OSBPL1A: variants seen among roughly 807,000 people sequenced by gnomAD.
OSBPL1A encodes oxysterol binding protein like 1A, also known as oxysterol-binding protein-related protein 1.
Under a neutral mutation model 137.1 loss-of-function variants are expected in OSBPL1A, and 80 were observed. The ratio of observed to expected loss-of-function variants is 0.58; its 90% confidence interval spans 0.49 to 0.70. The LOEUF (loss-of-function observed/expected upper bound fraction) is 0.70, where lower values mean the gene tolerates loss of function less well. Ranked by LOEUF, OSBPL1A falls within the 30% of genes least tolerant of loss-of-function variation. The probability of loss-of-function intolerance (pLI) is 0.00; values close to 1 mark genes in which losing one functional copy is unlikely to be tolerated. For missense variants in OSBPL1A, 970 were observed against 1,129.4 expected (o/e 0.86, Z 2.02); for synonymous variants, 365 against 389.7 (o/e 0.94, Z 0.75).
chr18:24,294,120 A>G (rs938420980), intron 14 of OSBPL1A, among the ~76,000 whole-genome samples: 14 of 151,926 alleles, frequency 9.2e-5, no homozygotes, highest in Non-Finnish European at 2.1e-4. Flanking sequence ...TTGGGGGAAT[A>G]GGTGGTGTTT....
Position 24,336,371 on chromosome 18 carries a change from T to G in OSBPL1A, c.395-2041A>C, listed in dbSNP as rs146302384. ...GGAGTTGAAAATACTATATATGTTC[T>G]TAGATTATGTTCCTGTCCTGTATTC... is the stretch of plus-strand genomic sequence containing the variant. On this transcript the variant is annotated intron_variant, in intron 5 of 27. Transcript: ENST00000319481. 7.1e-3 allele frequency among the ~76,000 whole-genome samples: 1,087 copies of G among 152,330 alleles called. 12 individuals carry two copies. The highest frequency in any genetic ancestry group is 0.025 in the African/African-American group (1,019 of 41,574).
chr18:24,196,455 C>T (rs2087035165), intron 17 of OSBPL1A, among the ~76,000 whole-genome samples: 1 of 152,192 alleles, frequency 6.6e-6, no homozygotes, highest in Non-Finnish European at 1.5e-5. Flanking sequence ...TCAGTCCTCC[C>T]AGTCCTTGGG....
chr18:24,314,478 T>C (rs2090681493), intron 11 of OSBPL1A, 131 bp from the exon 12 acceptor site: 2 of 540,654 alleles, frequency 3.7e-6, no homozygotes, highest in South Asian at 6.3e-5. Flanking sequence ...TATTGACAGA[T>C]AAAAATTGGA....
chr18:24,268,402 G>A (rs530739632), intron 15 of OSBPL1A, among the ~76,000 whole-genome samples: 13 of 152,194 alleles, frequency 8.5e-5, no homozygotes, highest in Admixed American at 7.8e-4. Context: ...TTACAGGTGT[G>A]AGCCACTGCA....
intron 15 of OSBPL1A, among the ~76,000 whole-genome samples, chr18:24,247,185 G>C (rs1373342619): frequency 2.0e-5 from 3 of 152,196 alleles, no homozygotes; most frequent in African/African-American, 7.2e-5. Context: ...ACAAAAAAGA[G>C]AGAGACAGAG....
intron 4 of OSBPL1A, among the ~76,000 whole-genome samples, chr18:24,343,011 C>G (rs970577886): frequency 6.6e-6 from 1 of 151,812 alleles, no homozygotes; most frequent in African/African-American, 2.4e-5. Context: ...TGTTTTCATG[C>G]TTTACCTAAA....
At chr18:24,307,467 C>A (rs1385344098) in intron 13 of OSBPL1A, among the ~76,000 whole-genome samples, 1 of 152,172 alleles carries the variant, frequency 6.6e-6, no homozygotes, top group Admixed American at 6.5e-5. Context: ...AAAAGTAATT[C>A]TCCTTCACAC....
intron 1 of OSBPL1A, among the ~76,000 whole-genome samples, chr18:24,384,552 A>G (rs1906811271): frequency 6.7e-6 from 1 of 148,334 alleles, no homozygotes; most frequent in Non-Finnish European, 1.5e-5. Flanking sequence ...TGGGTGACAG[A>G]GCGAGATCCT....
At chr18:24,181,078 G>A in intron 19 of OSBPL1A, 67 bp downstream of exon 19, 2 of 1,530,726 alleles carry the variant, frequency 1.3e-6, no homozygotes, top group South Asian at 2.5e-5. Flanking sequence ...GTGAACGTGT[G>A]TGTGTTCGGG....
intron 4 of OSBPL1A, among the ~76,000 whole-genome samples, chr18:24,365,648 G>C (rs995061733): frequency 6.6e-6 from 1 of 151,900 alleles, no homozygotes; most frequent in African/African-American, 2.4e-5. Context: ...ACAATTCAGT[G>C]GTACCCTGGG....
At chr18:24,390,257 T>A (rs1270536279) in intron 1 of OSBPL1A, among the ~76,000 whole-genome samples, 3 of 152,234 alleles carry the variant, frequency 2.0e-5, no homozygotes, top group Non-Finnish European at 2.9e-5. Context: ...ATTCTACTTC[T>A]GGGTATATAC....
At chr18:24,318,491 G>A (rs983953150) in intron 9 of OSBPL1A, 110 bp downstream of exon 9, 79 of 908,776 alleles carry the variant, frequency 8.7e-5, no homozygotes, top group Admixed American at 9.8e-5. Context: ...ATCCAAGAGC[G>A]ATTAAATCAC....
Position 24,178,144 on chromosome 18 carries a change from T to C in OSBPL1A, c.1962A>G (p.Pro654=). The part of the protein sequence containing the change: ...LISEQVSHHP[P]ISAFHAEGLN... ...ATCCTTCAGCATGAAATGCACTGAT[T>C]GGTGGGTGATGGCTGACCTGTTCGG... Residue 654 remains proline, a synonymous_variant, in exon 21 of 28, where the codon CCA becomes CCG. Transcript: ENST00000319481. 1 of 1,612,980 alleles carries C rather than the reference T, an allele frequency of 6.2e-7. No individual in the cohort carries two copies. The highest frequency in any genetic ancestry group is 8.5e-7 in the Non-Finnish European group (1 of 1,179,766).
At chr18:24,384,278 A>G (rs1906793531) in intron 1 of OSBPL1A, among the ~76,000 whole-genome samples, 1 of 152,352 alleles carries the variant, frequency 6.6e-6, no homozygotes. Context: ...AAGATGTTCA[A>G]TAAGAAACTA....
intron 15 of OSBPL1A, among the ~76,000 whole-genome samples, chr18:24,279,850 C>T (rs2089922167): frequency 6.6e-6 from 1 of 151,882 alleles, no homozygotes; most frequent in African/African-American, 2.4e-5. Flanking sequence ...CTTTTCTTTT[C>T]TTTTTTGGAA....
intron 14 of OSBPL1A, among the ~76,000 whole-genome samples, chr18:24,285,853 C>G (rs1185429011): frequency 6.6e-6 from 1 of 152,094 alleles, no homozygotes; most frequent in Non-Finnish European, 1.5e-5. Context: ...TGATTGAAGT[C>G]CATTTTAAAA....
intron 17 of OSBPL1A, among the ~76,000 whole-genome samples, chr18:24,209,594 C>G (rs1224854958): frequency 6.6e-6 from 1 of 152,066 alleles, no homozygotes; most frequent in Non-Finnish European, 1.5e-5. Flanking sequence ...TTTATAAAAG[C>G]TTTTTTGTTC....
At chr18:24,263,074 A>G (rs922888548) in intron 15 of OSBPL1A, among the ~76,000 whole-genome samples, 1 of 152,142 alleles carries the variant, frequency 6.6e-6, no homozygotes, top group African/African-American at 2.4e-5. Context: ...TATATGGTAA[A>G]CATTGTTAGG....
chr18:24,221,813 T>TC (rs1181531964), intron 17 of OSBPL1A, among the ~76,000 whole-genome samples: 1 of 152,196 alleles, frequency 6.6e-6, no homozygotes, highest in African/African-American at 2.4e-5. Context: ...ACCCTTTTTT[T>TC]CCCAAGACTT....
Sources: gnomAD v4.1 joint callset for allele counts (sites outside exome capture counted in the v4.1 genomes callset) on GRCh38, gnomAD v4.1.1 for gene constraint, MANE v1.5 for transcripts, NCBI Gene and HGNC (gene_info 2026-07-23, HGNC 2026-07-21) for gene names.